The following CACHD1 variants were observed in gnomAD, a reference collection of about 807,000 sequenced individuals.
CACHD1 encodes the protein VWFA and cache domain-containing protein 1.
A neutral mutation model predicts 138.7 loss-of-function variants in CACHD1; 71 were observed. The observed-to-expected ratio is 0.51, with a 90% CI of 0.42 to 0.62. The LOEUF (loss-of-function observed/expected upper bound fraction) is 0.62. CACHD1 is among the 20% of genes least tolerant of loss of function. The pLI, the probability that CACHD1 is intolerant of heterozygous loss-of-function variation, is 0.00. For synonymous variants in CACHD1, 578 were observed against 591.5 expected (o/e 0.98, Z 0.33); for missense variants, 1,389 against 1,625.3 (o/e 0.85, Z 2.50).
intron 1 of CACHD1, among the ~76,000 whole-genome samples, chr1:64,489,393 C>T (rs1016727201): frequency 6.6e-6 from 1 of 152,036 alleles, no homozygotes; most frequent in African/African-American, 2.4e-5. Context: ...GAGACCTTCC[C>T]CAAAGGAGGC....
chr1:64,674,255 G>T (rs765815978), intron 19 of CACHD1, among the ~76,000 whole-genome samples: 7 of 152,192 alleles, frequency 4.6e-5, no homozygotes, highest in Non-Finnish European at 1.0e-4. Context: ...ATAGAATGGT[G>T]TGTTCAAAGC....
intron 1 of CACHD1, among the ~76,000 whole-genome samples, chr1:64,535,490 T>A (rs1646625282): frequency 6.6e-6 from 1 of 152,022 alleles, no homozygotes; most frequent in Admixed American, 6.6e-5. Flanking sequence ...CACACCTGGT[T>A]AATTTTGTAT....
chr1:64,630,652 G>A (rs1038537704), intron 5 of CACHD1, among the ~76,000 whole-genome samples: 1 of 152,074 alleles, frequency 6.6e-6, no homozygotes, highest in Non-Finnish European at 1.5e-5. Flanking sequence ...GTGAAGACTT[G>A]GGTGTCTTGG....
At chr1:64,475,794 C>T (rs770776468) in intron 1 of CACHD1, among the ~76,000 whole-genome samples, 11 of 152,104 alleles carry the variant, frequency 7.2e-5, no homozygotes, top group East Asian at 1.9e-4. Flanking sequence ...GTGATCCACC[C>T]GCCTCGGCCT....
intron 12 of CACHD1, among the ~76,000 whole-genome samples, chr1:64,655,943 C>T (rs1297421349): frequency 6.6e-6 from 1 of 152,300 alleles, no homozygotes; most frequent in African/African-American, 2.4e-5. Flanking sequence ...ACTTATTGAA[C>T]ATTTTCTGTG....
intron 8 of CACHD1, among the ~76,000 whole-genome samples, chr1:64,646,902 C>G (rs1194843630): frequency 6.6e-6 from 1 of 152,072 alleles, no homozygotes; most frequent in East Asian, 1.9e-4. Context: ...TTGAATAGTT[C>G]ATGGTTTGGT....
At chr1:64,604,012 G>C (rs1647266915) in intron 4 of CACHD1, among the ~76,000 whole-genome samples, 1 of 152,168 alleles carries the variant, frequency 6.6e-6, no homozygotes, top group South Asian at 2.1e-4. Context: ...CCTTAAACAT[G>C]AAGAACCATA....
rs1405517582 is a variant in CACHD1, at chr1:64,514,180, G to A, written c.199-36414G>A. The stretch of plus-strand genomic sequence containing the variant: ...GTTGCTCTAAGTAAAATAACGTTTT[G>A]GAAACTGTGAACATCCCCCAGTTAA... On this transcript the variant is annotated intron_variant, in intron 1 of 26. Transcript: ENST00000651257. Among the ~76,000 whole-genome samples the A allele has an allele frequency of 2.6e-5, 4 of 152,172 alleles. No individual in the cohort carries two copies. The East Asian group carries it at 7.7e-4, about 29-fold the overall frequency.
At chr1:64,668,118 G>A (rs1333753131) in intron 16 of CACHD1, among the ~76,000 whole-genome samples, 1 of 152,082 alleles carries the variant, frequency 6.6e-6, no homozygotes, top group Non-Finnish European at 1.5e-5. Context: ...CATGAGGTCA[G>A]AAGTTCAAGA....
chr1:64,610,639 C>T (rs1019862284), intron 4 of CACHD1, among the ~76,000 whole-genome samples: 12 of 152,230 alleles, frequency 7.9e-5, no homozygotes, highest in South Asian at 2.1e-4. Context: ...GGGGCAGCTC[C>T]GCCCATGTGG....
intron 1 of CACHD1, among the ~76,000 whole-genome samples, chr1:64,545,477 T>C (rs1646711384): frequency 6.6e-6 from 1 of 152,240 alleles, no homozygotes; most frequent in African/African-American, 2.4e-5. Flanking sequence ...TGTATGCTAG[T>C]GTCTGGCATC....
At chr1:64,519,873 A>G (rs149527535) in intron 1 of CACHD1, among the ~76,000 whole-genome samples, 12 of 152,294 alleles carry the variant, frequency 7.9e-5, no homozygotes, top group Admixed American at 2.6e-4. Flanking sequence ...AGATTATTTG[A>G]GGTGAGAGGT....
Position 64,647,907 on chromosome 1 carries a change from C to T in CACHD1, c.1263C>T (p.Gly421=), listed in dbSNP as rs370495108. The part of the protein sequence containing the change: ...PDRMALPVIK[G]SMMVLNQLSN... ...GGATGGCCTTGCCTGTGATTAAGGGCAGCATGATGGTGCTGAATCAGTTGA... is the reference window on the plus strand; with the variant it reads ...GGATGGCCTTGCCTGTGATTAAGGGTAGCATGATGGTGCTGAATCAGTTGA... Residue 421 remains glycine, a synonymous_variant, in exon 9 of 27, where the codon GGC becomes GGT. Coordinates refer to ENST00000651257, the MANE Select transcript of CACHD1 (RefSeq NM_020925.4). The T allele has an allele frequency of 6.2e-7, 1 of 1,614,092 alleles. No homozygotes were observed. The highest frequency in any genetic ancestry group is 8.5e-7 in the Non-Finnish European group (1 of 1,179,980).
chr1:64,494,701 A>G (rs893120964), intron 1 of CACHD1, among the ~76,000 whole-genome samples: 2 of 152,278 alleles, frequency 1.3e-5, no homozygotes, highest in East Asian at 1.9e-4. Flanking sequence ...GAAAGGGGGG[A>G]AAATCTCCTA....
chr1:64,672,122 T>C (rs547367954), intron 17 of CACHD1, among the ~76,000 whole-genome samples: 1 of 152,288 alleles, frequency 6.6e-6, no homozygotes, highest in South Asian at 2.1e-4. Flanking sequence ...GAACCAAAAG[T>C]CTCTGCCTCC....
intron 5 of CACHD1, 55 bp from the exon 6 acceptor site, chr1:64,632,544 T>C (rs1404434714): frequency 9.4e-6 from 15 of 1,596,188 alleles, no homozygotes; most frequent in Non-Finnish European, 1.0e-5. Flanking sequence ...CTGTGTTAAG[T>C]TGAGGCCCTT....
intron 3 of CACHD1, 140 bp from the exon 4 acceptor site, chr1:64,602,666 A>AT: frequency 3.1e-6 from 2 of 634,968 alleles, no homozygotes; most frequent in Non-Finnish European, 5.5e-6. Flanking sequence ...TTCCGAAATT[A>AT]TTTTTTTGAA....
Position 64,652,191 on chromosome 1 carries a change from A to G in CACHD1, c.1421A>G (p.Tyr474Cys). 1 of 1,612,478 alleles carries G rather than the reference A, an allele frequency of 6.2e-7. No individual in the cohort carries two copies. Among genetic ancestry groups the G allele is most frequent in the African/African-American group, 1.3e-5 (1 of 74,892 alleles). The change falls in exon 10 of 27, where the codon TAT (tyrosine) becomes TGT (cysteine). Residue 474 changes from tyrosine to cysteine, a missense_variant. Tyr to Cys is a radical substitution (Grantham distance 194, BLOSUM62 -2). Transcript: ENST00000651257. The part of the protein sequence containing the change: ...GLIMTVSKPC[Y>C]FGNLLLGIVG... ...ATAATGACTGTGAGTAAACCCTGTT[A>G]TTTTGGAAACCTACTTCTGGGAATT...
chr1:64,680,225 A>G (rs1650126972), intron 24 of CACHD1, among the ~76,000 whole-genome samples: 1 of 152,224 alleles, frequency 6.6e-6, no homozygotes, highest in Non-Finnish European at 1.5e-5. Context: ...GCGGTGGCTC[A>G]TGCCTGTAAT....
Sources: gnomAD v4.1 joint callset for allele counts (sites outside exome capture counted in the v4.1 genomes callset) on GRCh38, gnomAD v4.1.1 for gene constraint, MANE v1.5 for transcripts, NCBI Gene and HGNC (gene_info 2026-07-23, HGNC 2026-07-21) for gene names.